The following TENM4 variants were observed in gnomAD, a reference collection of about 807,000 sequenced individuals.
TENM4 encodes the protein teneurin-4.
Under a neutral mutation model 243.3 loss-of-function variants are expected in TENM4, and 82 were observed. The observed-to-expected ratio is 0.34, with a 90% CI of 0.28 to 0.40. TENM4 has a LOEUF of 0.40. Ranked by LOEUF, TENM4 falls within the 10% of genes least tolerant of loss-of-function variation. The pLI, the probability that TENM4 is intolerant of heterozygous loss-of-function variation, is 1.00. For synonymous variants in TENM4, 1,412 were observed against 1,456.3 expected (o/e 0.97, Z 0.69); for missense variants, 3,138 against 3,673.3 (o/e 0.85, Z 3.77).
rs1591115061 is a variant in TENM4 at position 78,902,832 on chromosome 11, G to A, written c.749+436C>T. 2.0e-5 allele frequency among the ~76,000 whole-genome samples: 3 copies of A among 152,168 alleles called. No homozygotes were observed. In the East Asian group the frequency reaches 5.8e-4, roughly 29 times the overall value. On this transcript the variant is annotated intron_variant, in intron 7 of 33. Transcript: ENST00000278550. ...CAGGCAGGTCTGACACTAGGCATTGGGTGGTAGAATCATGTAGGGAAAGGC... is the reference window on the plus strand; with the variant it reads ...CAGGCAGGTCTGACACTAGGCATTGAGTGGTAGAATCATGTAGGGAAAGGC...
At chr11:79,119,909 T>TG (rs1246519195) in intron 4 of TENM4, among the ~76,000 whole-genome samples, 1 of 152,240 alleles carries the variant, frequency 6.6e-6, no homozygotes, top group East Asian at 1.9e-4. Context: ...GTAACCAGGC[T>TG]GTCTATATCC....
intron 19 of TENM4, among the ~76,000 whole-genome samples, chr11:78,748,212 A>G (rs980201845): frequency 6.6e-6 from 1 of 152,238 alleles, no homozygotes; most frequent in African/African-American, 2.4e-5. Flanking sequence ...GGCCACTATC[A>G]CTTAAATGAA....
intron 4 of TENM4, among the ~76,000 whole-genome samples, chr11:79,112,849 C>G (rs1357970117): frequency 6.6e-6 from 1 of 152,168 alleles, no homozygotes; most frequent in African/African-American, 2.4e-5. Flanking sequence ...TCCTCCCATC[C>G]TCTCCCCACC....
intron 6 of TENM4, among the ~76,000 whole-genome samples, chr11:78,926,558 C>T (rs1229152112): frequency 1.3e-5 from 2 of 152,092 alleles, no homozygotes; most frequent in African/African-American, 4.8e-5. Flanking sequence ...AGGCATGAAC[C>T]ACTATGCCTG....
At position 79,425,557 on chromosome 11, in the gene TENM4, G is replaced by C. The variant is rs1590957946; in HGVS notation, c.-321+14952C>G. On this transcript the variant is annotated intron_variant, in intron 1 of 33. Coordinates refer to ENST00000278550, the MANE Select transcript of TENM4 (RefSeq NM_001098816.3). ...AAGAACACGGACTTGGAGCCAGACT[G>C]ATCCAAATTCAAATCCTGGCAACAC... is the stretch of plus-strand genomic sequence containing the variant. Among the ~76,000 whole-genome samples the C allele has an allele frequency of 2.6e-5, 4 of 152,308 alleles. 1 individual carries two copies. In the South Asian group the frequency reaches 8.3e-4, roughly 32 times the overall value.
chr11:78,987,814 G>A (rs1438572740), intron 6 of TENM4, among the ~76,000 whole-genome samples: 1 of 152,176 alleles, frequency 6.6e-6, no homozygotes, highest in Non-Finnish European at 1.5e-5. Context: ...ACTCAGAGAA[G>A]TAGGTACTAC....
intron 1 of TENM4, among the ~76,000 whole-genome samples, chr11:79,343,275 C>T (rs978261295): frequency 6.6e-6 from 1 of 152,212 alleles, no homozygotes; most frequent in African/African-American, 2.4e-5. Flanking sequence ...TCACTTTTCA[C>T]CTTATGATGC....
chr11:78,774,727 G>A (rs1856708122), intron 17 of TENM4, among the ~76,000 whole-genome samples: 2 of 152,112 alleles, frequency 1.3e-5, no homozygotes, highest in South Asian at 2.1e-4. Flanking sequence ...ATAAAATAAG[G>A]ATTTGGATGA....
chr11:79,184,824 G>A (rs907319709), intron 3 of TENM4, among the ~76,000 whole-genome samples: 1 of 152,078 alleles, frequency 6.6e-6, no homozygotes, highest in Admixed American at 6.5e-5. Flanking sequence ...TGTATTTAAC[G>A]CCCCTGAACT....
intron 6 of TENM4, among the ~76,000 whole-genome samples, chr11:78,968,019 G>A (rs1366631284): frequency 2.0e-5 from 3 of 152,238 alleles, no homozygotes; most frequent in Non-Finnish European, 4.4e-5. Flanking sequence ...GATCACATGG[G>A]TGGATCTTTA....
At chr11:78,707,908 G>A (rs1237300295) in intron 27 of TENM4, among the ~76,000 whole-genome samples, 3 of 152,190 alleles carry the variant, frequency 2.0e-5, no homozygotes, top group Admixed American at 6.5e-5. Flanking sequence ...TCAATCAATC[G>A]ATTAATCAAT....
intron 12 of TENM4, among the ~76,000 whole-genome samples, chr11:78,850,919 G>T (rs1219413125): frequency 6.6e-6 from 1 of 152,156 alleles, no homozygotes; most frequent in East Asian, 1.9e-4. Context: ...GGGAAGGAAG[G>T]AATGGAAAGT....
At chr11:78,953,090 G>C (rs572450854) in intron 6 of TENM4, among the ~76,000 whole-genome samples, 1 of 152,294 alleles carries the variant, frequency 6.6e-6, no homozygotes, top group Non-Finnish European at 1.5e-5. Flanking sequence ...CAACTCTGGG[G>C]GAAGGCCAGC....
At chr11:78,881,853 C>G (rs1398616018) in intron 9 of TENM4, among the ~76,000 whole-genome samples, 1 of 152,198 alleles carries the variant, frequency 6.6e-6, no homozygotes, top group Non-Finnish European at 1.5e-5. Flanking sequence ...TCTCCTAAGT[C>G]TTCCTTTTAG....
chr11:78,835,159 T>C (rs1010531913), intron 12 of TENM4, among the ~76,000 whole-genome samples: 4 of 152,164 alleles, frequency 2.6e-5, no homozygotes, highest in African/African-American at 9.7e-5. Flanking sequence ...TCAGTAGCAT[T>C]TGACATGATT....
At chr11:79,030,042 G>C (rs1415529308) in intron 6 of TENM4, among the ~76,000 whole-genome samples, 1 of 152,122 alleles carries the variant, frequency 6.6e-6, no homozygotes, top group Non-Finnish European at 1.5e-5. Flanking sequence ...AGTTCAATGG[G>C]AGGCAATCGG....
intron 5 of TENM4, 74 bp from the exon 6 acceptor site, chr11:79,065,081 C>A (rs571534239): frequency 2.0e-5 from 29 of 1,425,716 alleles, no homozygotes; most frequent in Middle Eastern, 2.0e-4. Flanking sequence ...TGAAGCCTGG[C>A]CTTCTTACCC....
At chr11:78,887,491 G>A (rs1166265687) in intron 9 of TENM4, among the ~76,000 whole-genome samples, 1 of 152,206 alleles carries the variant, frequency 6.6e-6, no homozygotes, top group Non-Finnish European at 1.5e-5. Flanking sequence ...ATTTAACCCT[G>A]GCACTTAGCA....
At chr11:78,787,986 T>C (rs1335228226) in intron 15 of TENM4, among the ~76,000 whole-genome samples, 5 of 152,250 alleles carry the variant, frequency 3.3e-5, no homozygotes, top group Non-Finnish European at 7.3e-5. Context: ...CCATGTCCAC[T>C]GAAGCTCTCT....
Sources: gnomAD v4.1 joint callset for allele counts (sites outside exome capture counted in the v4.1 genomes callset) on GRCh38, gnomAD v4.1.1 for gene constraint, MANE v1.5 for transcripts, NCBI Gene and HGNC (gene_info 2026-07-23, HGNC 2026-07-21) for gene names.